Variants in SGCZ observed in about 807,000 individuals in gnomAD.
SGCZ encodes the protein zeta-sarcoglycan.
SGCZ carries 40 observed loss-of-function variants against 41.3 expected under a neutral mutation model. That is an observed-to-expected ratio of 0.97 (90% CI 0.75 to 1.26). SGCZ has a LOEUF of 1.26. Among genes scored for constraint, SGCZ ranks in the 50% most tolerant of loss-of-function variants. The pLI, the probability that SGCZ is intolerant of heterozygous loss-of-function variation, is 0.00. For synonymous variants in SGCZ, 206 were observed against 137.5 expected (o/e 1.50, Z -3.49); for missense variants, 552 against 369.8 (o/e 1.49, Z -4.04).
At chr8:14,921,411 C>G (rs977498792) in intron 1 of SGCZ, among the ~76,000 whole-genome samples, 1 of 151,952 alleles carries the variant, frequency 6.6e-6, no homozygotes, top group Non-Finnish European at 1.5e-5. Flanking sequence ...ATGGGGAGAG[C>G]AATGACCCCT....
At chr8:14,283,984 A>T (rs1191679161) in intron 3 of SGCZ, among the ~76,000 whole-genome samples, 3 of 152,220 alleles carry the variant, frequency 2.0e-5, no homozygotes, top group Non-Finnish European at 2.9e-5. Flanking sequence ...TTTGTTTTAT[A>T]TAAGGTGTTA....
intron 3 of SGCZ, among the ~76,000 whole-genome samples, chr8:14,277,889 A>G (rs928494168): frequency 3.9e-5 from 6 of 152,086 alleles, no homozygotes; most frequent in Admixed American, 2.6e-4. Flanking sequence ...AAGATTAACC[A>G]CCAGAGAGAG....
intron 1 of SGCZ, among the ~76,000 whole-genome samples, chr8:14,983,221 T>A (rs112290544): frequency 0.18 from 27,262 of 150,300 alleles, 3,120 homozygotes; most frequent in Admixed American, 0.26. Flanking sequence ...GTTCTCACTC[T>A]CTCGCCCAGG....
chr8:14,232,382 G>T (rs1376987361), intron 4 of SGCZ, among the ~76,000 whole-genome samples: 1 of 151,992 alleles, frequency 6.6e-6, no homozygotes, highest in African/African-American at 2.4e-5. Context: ...GATGTTAATT[G>T]CTCAAAGTGT....
chr8:14,163,564 C>T (rs945348341), intron 5 of SGCZ, among the ~76,000 whole-genome samples: 3 of 152,128 alleles, frequency 2.0e-5, no homozygotes, highest in Non-Finnish European at 4.4e-5. Flanking sequence ...ATGTACTGAG[C>T]ACATTCTCAT....
At chr8:14,882,769 G>T (rs562886474) in intron 1 of SGCZ, among the ~76,000 whole-genome samples, 8 of 151,978 alleles carry the variant, frequency 5.3e-5, no homozygotes, top group African/African-American at 1.7e-4. Context: ...TCTATCTCCA[G>T]GTCCACTCTG....
At chr8:14,219,371 C>A (rs1806108909) in intron 4 of SGCZ, among the ~76,000 whole-genome samples, 1 of 152,168 alleles carries the variant, frequency 6.6e-6, no homozygotes, top group African/African-American at 2.4e-5. Flanking sequence ...AACTGCAATG[C>A]CTGCAGCCGG....
chr8:14,102,231 C>A, intron 7 of SGCZ, 145 bp downstream of exon 7: 3 of 914,064 alleles, frequency 3.3e-6, no homozygotes, highest in Non-Finnish European at 4.4e-6. Context: ...GATATGGTAA[C>A]CTAATATTAC....
chr8:14,892,517 G>A (rs533996137), intron 1 of SGCZ, among the ~76,000 whole-genome samples: 256 of 152,218 alleles, frequency 1.7e-3, no homozygotes, highest in Non-Finnish European at 2.6e-3. Context: ...TTTGGATAAA[G>A]CCAACATTAA....
intron 2 of SGCZ, among the ~76,000 whole-genome samples, chr8:14,403,617 C>T (rs1487429905): frequency 6.6e-6 from 1 of 152,084 alleles, no homozygotes; most frequent in Admixed American, 6.6e-5. Context: ...ATTGAACCAG[C>T]CTTGCATCAA....
intron 1 of SGCZ, among the ~76,000 whole-genome samples, chr8:15,210,271 G>C (rs549995772): frequency 6.6e-6 from 1 of 152,216 alleles, no homozygotes; most frequent in East Asian, 1.9e-4. Context: ...ACTTTTAGAT[G>C]GATTTACTGT....
At chr8:14,937,035 A>G (rs1800104484) in intron 1 of SGCZ, among the ~76,000 whole-genome samples, 1 of 151,866 alleles carries the variant, frequency 6.6e-6, no homozygotes, top group Non-Finnish European at 1.5e-5. Flanking sequence ...AGGAGACTGT[A>G]ATGATAAGAG....
chr8:14,956,573 G>C lies in SGCZ; in HGVS notation c.39+281012C>G, dbSNP rs79013112. Among the ~76,000 whole-genome samples the C allele has an allele frequency of 3.7e-3, 563 of 151,718 alleles. 5 individuals carry two copies. The highest frequency in any genetic ancestry group is 6.2e-3 in the Non-Finnish European group (419 of 67,870). On this transcript the variant is annotated intron_variant, in intron 1 of 7. Coordinates refer to ENST00000382080, the MANE Select transcript of SGCZ (RefSeq NM_139167.4). ...TCGGTGCATACAATGTCTTATAAGA[G>C]ACAGACAAAAACACAAAGTAACACA...
At chr8:14,370,495 T>A (rs1014670145) in intron 2 of SGCZ, among the ~76,000 whole-genome samples, 1 of 151,984 alleles carries the variant, frequency 6.6e-6, no homozygotes, top group East Asian at 1.9e-4. Flanking sequence ...ATGAAAAGTG[T>A]GTTGTAATCC....
chr8:15,031,065 G>A (rs760863048), intron 1 of SGCZ, among the ~76,000 whole-genome samples: 19 of 151,984 alleles, frequency 1.3e-4, no homozygotes, highest in Middle Eastern at 3.4e-3. Context: ...ATCATATTTC[G>A]CGTGTGTGTG....
chr8:14,586,175 C>G (rs780522332), intron 1 of SGCZ, among the ~76,000 whole-genome samples: 2 of 151,970 alleles, frequency 1.3e-5, no homozygotes, highest in South Asian at 4.1e-4. Context: ...TAATTGAAAA[C>G]GTATGCTGCA....
intron 1 of SGCZ, among the ~76,000 whole-genome samples, chr8:14,843,904 G>A (rs999969274): frequency 2.0e-5 from 3 of 151,746 alleles, no homozygotes; most frequent in Admixed American, 2.0e-4. Flanking sequence ...ATCAGCCTCT[G>A]ATGAACACTG....
chr8:14,675,657 A>G (rs1457530609), intron 1 of SGCZ, among the ~76,000 whole-genome samples: 1 of 152,152 alleles, frequency 6.6e-6, no homozygotes, highest in Non-Finnish European at 1.5e-5. Flanking sequence ...GAGCAAAAAC[A>G]ATGGACAGAA....
At chr8:14,205,654 T>C (rs1805592383) in intron 4 of SGCZ, among the ~76,000 whole-genome samples, 1 of 152,122 alleles carries the variant, frequency 6.6e-6, no homozygotes, top group Non-Finnish European at 1.5e-5. Context: ...TGTTTGGGGT[T>C]TTGTTTTGTT....
Sources: allele counts gnomAD v4.1 joint callset (sites outside exome capture counted in the v4.1 genomes callset), GRCh38; gene constraint gnomAD v4.1.1; transcripts MANE v1.5; gene names NCBI Gene and HGNC (gene_info 2026-07-23, HGNC 2026-07-21).